Variants in RCAN3 observed in about 807,000 individuals in gnomAD.
The protein encoded by RCAN3 is calcipressin-3.
RCAN3 carries 19 observed loss-of-function variants against 21.9 expected under a neutral mutation model. The observed-to-expected ratio is 0.87, with a 90% CI of 0.61 to 1.27. The LOEUF (loss-of-function observed/expected upper bound fraction) is 1.27, where lower values mean the gene tolerates loss of function less well. Among genes scored for constraint, RCAN3 ranks in the 50% most tolerant of loss-of-function variants. The pLI is 0.00. For synonymous variants in RCAN3, 114 were observed against 112.3 expected, an observed-to-expected ratio of 1.01 and a Z score of -0.09; for missense variants, 240 against 300.1, an observed-to-expected ratio of 0.80 and a Z score of 1.48.
chr1:24,503,481 C>T (rs1043183445), intron 1 of RCAN3, among the ~76,000 whole-genome samples: 7 of 152,230 alleles, frequency 4.6e-5, no homozygotes, highest in Admixed American at 2.6e-4. Context: ...GCCCAGCCTG[C>T]CTGTGAAGGC....
At chr1:24,522,145 C>A (rs1007659672) in intron 2 of RCAN3, among the ~76,000 whole-genome samples, 16 of 151,998 alleles carry the variant, frequency 1.1e-4, no homozygotes, top group African/African-American at 3.4e-4. Context: ...TATGTATATA[C>A]CAAGAATATA....
In RCAN3 at chr1:24,535,415, A is replaced by G. The variant is rs1375988354; in HGVS notation, c.*138A>G. 2.3e-6 allele frequency: 2 copies of G among 854,110 alleles called. No homozygotes were observed. Among genetic ancestry groups the G allele is most frequent in the African/African-American group, 3.6e-5 (2 of 55,936 alleles). The allele number at this position is 854,110 out of a possible 1,614,324, so 52.9% of individuals were successfully genotyped here. On this transcript the variant is annotated 3_prime_UTR_variant, in exon 5 of 5. Transcript: ENST00000374395. Reference sequence around the variant, plus strand: ...GTATAGGTCTTCTCACCACGCCTGTACTGCAGACACGGTCGTGTAGAGTAG... The same window carrying G: ...GTATAGGTCTTCTCACCACGCCTGTGCTGCAGACACGGTCGTGTAGAGTAG...
chr1:24,517,135 C>A (rs1215620756), intron 2 of RCAN3, among the ~76,000 whole-genome samples: 1 of 146,988 alleles, frequency 6.8e-6, no homozygotes, highest in East Asian at 2.0e-4. Context: ...GAGATGGAGT[C>A]CTTCTCTGCC....
In RCAN3 at chr1:24,535,194, A is replaced by T; in HGVS notation, c.643A>T (p.Lys215Ter). ...TEEEEETKNPKQKIAQTRRPD... is the reference protein window; with the variant it reads ...TEEEEETKNP ...AGAGGAAGAAGAGACAAAAAACCCC[A>T]AACAGAAAATTGCCCAGACGAGGCG... Residue 215 changes from lysine to a stop codon, truncating the protein, a stop_gained, in exon 5 of 5, where the codon AAA (lysine) becomes TAA (stop). Transcript: ENST00000374395. LOFTEE classifies it low-confidence loss of function (END_TRUNC). 6.3e-7 allele frequency: 1 copy of T among 1,595,146 alleles called. No individual in the cohort carries two copies. Among genetic ancestry groups the T allele is most frequent in the Non-Finnish European group, 8.5e-7 (1 of 1,173,156 alleles).
rs536043906 is a variant in RCAN3, at chr1:24,535,111, A to T, written c.560A>T (p.His187Leu). The T allele has an allele frequency of 5.6e-6, 9 of 1,595,836 alleles. No individual in the cohort carries two copies. The highest frequency in any genetic ancestry group is 7.7e-6 in the Non-Finnish European group (9 of 1,173,934). Residue 187 changes from histidine to leucine, a missense_variant, in exon 5 of 5, where the codon CAC becomes CTC. By Grantham distance (99) the His-to-Leu change is moderately conservative. Transcript: ENST00000374395. ...TCTGCAGGAGAGAAATATGAACTTC[A>T]CGCGGGAACAGAGTCGACACCCAGC... Reference protein sequence around the residue: ...KLGPGEKYELHAGTESTPSVV... With the variant: ...KLGPGEKYELLAGTESTPSVV...
At chr1:24,528,989 T>C (rs1003245010) in intron 2 of RCAN3, among the ~76,000 whole-genome samples, 1 of 152,204 alleles carries the variant, frequency 6.6e-6, no homozygotes, top group Non-Finnish European at 1.5e-5. Context: ...GTGGATAGCC[T>C]ACTCCAATCA....
At chr1:24,531,479 T>C (rs1649756958) in intron 3 of RCAN3, 88 bp downstream of exon 3, 1 of 1,014,886 alleles carries the variant, frequency 9.9e-7, no homozygotes, top group African/African-American at 1.6e-5. Context: ...TATATTATTA[T>C]AGCAGAGGTG....
intron 2 of RCAN3, among the ~76,000 whole-genome samples, chr1:24,516,264 T>G (rs1648312566): frequency 6.6e-6 from 1 of 151,942 alleles, no homozygotes; most frequent in Non-Finnish European, 1.5e-5. Flanking sequence ...CAGGGTTTCA[T>G]GACCAGCCTG....
chr1:24,518,243 C>T (rs888231255), intron 2 of RCAN3, among the ~76,000 whole-genome samples: 1 of 151,930 alleles, frequency 6.6e-6, no homozygotes, highest in Non-Finnish European at 1.5e-5. Flanking sequence ...TACATTCTTC[C>T]GAATAGTAGA....
intron 2 of RCAN3, among the ~76,000 whole-genome samples, chr1:24,530,356 CAAAAAAAAAAAAAAA>C (rs56914359): frequency 1.2e-5 from 1 of 81,518 alleles, no homozygotes; most frequent in Non-Finnish European, 2.4e-5. Flanking sequence ...CTCTTATCTC[CAAAAAAAAAAAAAAA>C]AAAAAAAAGA....
intron 1 of RCAN3, among the ~76,000 whole-genome samples, chr1:24,506,689 C>CAA (rs200489448): frequency 0.054 from 5,808 of 108,386 alleles, 349 homozygotes; most frequent in African/African-American, 0.16. Flanking sequence ...GAAGTTATAT[C>CAA]AAAAAAAAAA....
Position 24,530,592 on chromosome 1 carries a change from C to A in RCAN3, c.196-626C>A, listed in dbSNP as rs900792748. On this transcript the variant is annotated intron_variant, in intron 2 of 4. Coordinates refer to ENST00000374395, the MANE Select transcript of RCAN3 (RefSeq NM_013441.4). ...ACAGAGGGAAAAACCAACCTTGTCC[C>A]ACCGGGGACATCAGAACAATAGCAG... is the stretch of plus-strand genomic sequence containing the variant. Among the ~76,000 whole-genome samples the A allele has an allele frequency of 2.4e-4, 36 of 152,148 alleles. 1 individual carries two copies. The highest frequency in any genetic ancestry group is 4.6e-4 in the Admixed American group (7 of 15,276).
intron 2 of RCAN3, among the ~76,000 whole-genome samples, chr1:24,529,550 CT>C (rs35257073): frequency 1.0e-3 from 90 of 89,530 alleles, no homozygotes; most frequent in Middle Eastern, 7.6e-3. Flanking sequence ...CTCTGTCTCT[CT>C]TTTTTTTTTT....
chr1:24,524,110 A>T (rs1397070352), intron 2 of RCAN3, among the ~76,000 whole-genome samples: 1 of 152,090 alleles, frequency 6.6e-6, no homozygotes, highest in Non-Finnish European at 1.5e-5. Flanking sequence ...CACGCCTGTA[A>T]TCCCAGCTAC....
chr1:24,512,973 C>G (rs1648006727), intron 1 of RCAN3, among the ~76,000 whole-genome samples: 1 of 152,164 alleles, frequency 6.6e-6, no homozygotes, highest in African/African-American at 2.4e-5. Context: ...CGCGGTGGCT[C>G]ACACCTGTAA....
At chr1:24,505,504 T>G (rs1030679304) in intron 1 of RCAN3, among the ~76,000 whole-genome samples, 7 of 152,180 alleles carry the variant, frequency 4.6e-5, no homozygotes, top group Non-Finnish European at 7.4e-5. Flanking sequence ...ATTACAGGCA[T>G]GAGCCACCAC....
chr1:24,514,482 AT>A lies in RCAN3; in HGVS notation c.111del (p.Asp37GlufsTer3). The A allele has an allele frequency of 6.2e-7, 1 of 1,614,156 alleles. No homozygotes were observed. The highest frequency in any genetic ancestry group is 1.3e-5 in the African/African-American group (1 of 75,032). On this transcript the variant is annotated frameshift_variant, in exon 2 of 5. Coordinates refer to ENST00000374395, the MANE Select transcript of RCAN3 (RefSeq NM_013441.4). LOFTEE classifies it high-confidence loss of function. ...TTTGGTGAAAATGAAGATGATTTGG[AT>A]GAGATGATGGATTTAAGTGATCTGC... is the stretch of plus-strand genomic sequence containing the variant. ...MIFGENEDDL[D>X]EMMDLSDLPT...
At chr1:24,532,204 CATTTATTT>C (rs1162758424) in intron 3 of RCAN3, among the ~76,000 whole-genome samples, 1 of 151,628 alleles carries the variant, frequency 6.6e-6, no homozygotes, top group Non-Finnish European at 1.5e-5. Context: ...TCTCTTCATC[CATTTATTT>C]ATTTATTTAT....
rs1428762876 is a variant in RCAN3 at position 24,540,764 on chromosome 1, A to G, written c.*5487A>G. ...TTGGGGCATGTTACCTTTATGGTAT[A>G]TAAGCTGTAGTGCATACTCTTTGTA... On this transcript the variant is annotated 3_prime_UTR_variant, in exon 5 of 5. Transcript: ENST00000374395. 1 of 152,210 alleles carries G rather than the reference A, an allele frequency of 6.6e-6. No individual in the cohort carries two copies. Among genetic ancestry groups the G allele is most frequent in the East Asian group, 1.9e-4 (1 of 5,202 alleles). The allele number at this position is 152,210 out of a possible 1,614,324, so 9.4% of individuals were successfully genotyped here. A position where few individuals can be genotyped will look rare whatever the true frequency, so the allele number is the denominator to read the frequency against.
Sources: gnomAD v4.1 joint callset for allele counts (sites outside exome capture counted in the v4.1 genomes callset) on GRCh38, gnomAD v4.1.1 for gene constraint, MANE v1.5 for transcripts, NCBI Gene and HGNC (gene_info 2026-07-23, HGNC 2026-07-21) for gene names.